The following PPP6R2 variants were observed in gnomAD, a reference collection of about 807,000 sequenced individuals.
PPP6R2 encodes serine/threonine-protein phosphatase 6 regulatory subunit 2.
In PPP6R2, 62 loss-of-function variants were observed where a neutral mutation model predicts 100.2. That is an observed-to-expected ratio of 0.62 (90% CI 0.50 to 0.76). The LOEUF (loss-of-function observed/expected upper bound fraction) is 0.76, where lower values mean the gene tolerates loss of function less well. Among genes scored for constraint, PPP6R2 ranks in the 30% least tolerant of loss-of-function variants. The probability of loss-of-function intolerance (pLI) is 0.00; values close to 1 mark genes in which losing one functional copy is unlikely to be tolerated. For synonymous variants in PPP6R2, 525 were observed against 514.7 expected (o/e 1.02, Z -0.27); for missense variants, 1,142 against 1,276.3 (o/e 0.89, Z 1.60).
At chr22:50,406,379 T>C (rs1440500238) in intron 3 of PPP6R2, among the ~76,000 whole-genome samples, 1 of 149,126 alleles carries the variant, frequency 6.7e-6, no homozygotes, top group Non-Finnish European at 1.5e-5. Flanking sequence ...GGCAGGCGAG[T>C]GTGAAGGCCT....
chr22:50,436,923 G>C (rs2064427456), intron 14 of PPP6R2, 65 bp from the exon 15 acceptor site: 2 of 1,361,562 alleles, frequency 1.5e-6, no homozygotes, highest in Non-Finnish European at 2.1e-6. Flanking sequence ...CCTGGGCGCT[G>C]GGCTGGGTGG....
upstream of PPP6R2, among the ~76,000 whole-genome samples, chr22:50,338,973 GGTGT>G (rs770511744): frequency 1.9e-4 from 27 of 140,272 alleles, no homozygotes; most frequent in Non-Finnish European, 7.7e-5. Context: ...TAGGGTGTGT[GGTGT>G]GTGTGTGGTA....
chr22:50,436,856 A>C, intron 14 of PPP6R2, 132 bp from the exon 15 acceptor site: 8 of 749,370 alleles, frequency 1.1e-5, no homozygotes, highest in Admixed American at 2.2e-5. Flanking sequence ...TCCTGGGCCC[A>C]GAGATCTGAT....
At chr22:50,405,536 A>C (rs1210745772) in intron 3 of PPP6R2, among the ~76,000 whole-genome samples, 1 of 137,400 alleles carries the variant, frequency 7.3e-6, no homozygotes, top group Non-Finnish European at 1.6e-5. Context: ...GCCTGGAGAG[A>C]GGTAAGAGGC....
chr22:50,441,859 C>T (rs758184314), intron 22 of PPP6R2, among the ~76,000 whole-genome samples: 1 of 152,188 alleles, frequency 6.6e-6, no homozygotes, highest in South Asian at 2.1e-4. Context: ...AGGGCAGGAC[C>T]GCTGGGGTAG....
At chr22:50,409,111 C>T (rs925121629) in intron 4 of PPP6R2, among the ~76,000 whole-genome samples, 45 of 152,296 alleles carry the variant, frequency 3.0e-4, no homozygotes, top group African/African-American at 1.1e-3. Flanking sequence ...CGAAACTTTC[C>T]ATCACCCAGC....
At chr22:50,374,731 C>A (rs576177839) in intron 2 of PPP6R2, among the ~76,000 whole-genome samples, 1 of 151,872 alleles carries the variant, frequency 6.6e-6, no homozygotes, top group Non-Finnish European at 1.5e-5. Context: ...TTTGCTAATA[C>A]GGTGAAACCC....
intron 12 of PPP6R2, among the ~76,000 whole-genome samples, chr22:50,433,537 T>A (rs376862333): frequency 7.5e-3 from 199 of 26,702 alleles, no homozygotes; most frequent in East Asian, 0.021. Flanking sequence ...GGAGGAGGGC[T>A]GGGGGCGCGG....
intron 1 of PPP6R2, among the ~76,000 whole-genome samples, chr22:50,361,264 A>G (rs1050068705): frequency 3.3e-5 from 5 of 152,186 alleles, no homozygotes; most frequent in African/African-American, 1.2e-4. Flanking sequence ...TATCATATGG[A>G]GACTGAGAAC....
At chr22:50,404,764 C>G (rs1310295719) in intron 3 of PPP6R2, among the ~76,000 whole-genome samples, 1 of 152,064 alleles carries the variant, frequency 6.6e-6, no homozygotes, top group Non-Finnish European at 1.5e-5. Flanking sequence ...ATGAGAAAAC[C>G]CAGACACAGA....
intron 1 of PPP6R2, among the ~76,000 whole-genome samples, chr22:50,350,704 G>A (rs1016786493): frequency 3.3e-5 from 5 of 151,688 alleles, no homozygotes; most frequent in South Asian, 4.2e-4. Context: ...AATTAGCCGG[G>A]TGTGGTGGTG....
chr22:50,339,713 G>GTGTGTTA (rs2042347876), upstream of PPP6R2, among the ~76,000 whole-genome samples: 1 of 143,766 alleles, frequency 7.0e-6, no homozygotes, highest in African/African-American at 2.6e-5. Flanking sequence ...TGTGTGGTGT[G>GTGTGTTA]TGTAGGGTGT....
chr22:50,421,240 G>A (rs1323702175), intron 8 of PPP6R2, among the ~76,000 whole-genome samples: 1 of 152,230 alleles, frequency 6.6e-6, no homozygotes, highest in Non-Finnish European at 1.5e-5. Context: ...GGAAAGCTGA[G>A]CCACTTCTGA....
chr22:50,419,021 T>G, intron 7 of PPP6R2, 42 bp downstream of exon 7: 1 of 1,480,500 alleles, frequency 6.8e-7, no homozygotes, highest in Non-Finnish European at 9.4e-7. Context: ...CCTCCCTTTC[T>G]GGGTCATGGG....
chr22:50,356,933 C>CA (rs111457849), intron 1 of PPP6R2, among the ~76,000 whole-genome samples: 33,334 of 142,186 alleles, frequency 0.23, 5,739 homozygotes, highest in African/African-American at 0.49. Context: ...GACTCTGTCT[C>CA]AAAAAAAAAA....
At chr22:50,353,353 G>C (rs762870249) in intron 1 of PPP6R2, among the ~76,000 whole-genome samples, 5 of 152,112 alleles carry the variant, frequency 3.3e-5, no homozygotes, top group Non-Finnish European at 5.9e-5. Context: ...TGTGTCTCAG[G>C]GAGTAGGGAG....
In PPP6R2 at chr22:50,431,234, C is replaced by T. The variant is rs1214736408; in HGVS notation, c.1187C>T (p.Ala396Val). The T allele has an allele frequency of 6.2e-7, 1 of 1,613,882 alleles. No homozygotes were observed. The highest frequency in any genetic ancestry group is 2.2e-5 in the East Asian group (1 of 44,886). ...FLHFQVELCI[A>V]AILSHAAREE... ...CACTTCCAAGTGGAACTATGCATAG[C>T]CGCTATTCTCTCCCACGCTGCCCGT... The change falls in exon 11 of 24, where the codon GCC becomes GTC. Residue 396 changes from alanine (A) to valine (V), a missense_variant. By Grantham distance (64) the Ala-to-Val change is moderately conservative. This residue lies in a region of PPP6R2 where 592 missense variants were observed against 758.9 expected (regional missense o/e 0.78). Transcript: ENST00000612753. This position sits in a 1 kb window ranked among gnomAD's most constrained non-coding sequence, Gnocchi z 4.8.
At chr22:50,348,873 C>T (rs906446066) in intron 1 of PPP6R2, among the ~76,000 whole-genome samples, 2 of 151,166 alleles carry the variant, frequency 1.3e-5, no homozygotes, top group African/African-American at 4.9e-5. Flanking sequence ...AGCCTGGGGA[C>T]ATGACAAAAC....
chr22:50,397,961 T>C (rs2057348375), intron 3 of PPP6R2, among the ~76,000 whole-genome samples: 1 of 139,818 alleles, frequency 7.2e-6, no homozygotes, highest in African/African-American at 2.8e-5. Flanking sequence ...GAGTGTGACT[T>C]GGGATGGGGG....
Sources: allele counts gnomAD v4.1 joint callset (sites outside exome capture counted in the v4.1 genomes callset), GRCh38; gene constraint gnomAD v4.1.1; regional missense constraint gnomAD v4.1.1; non-coding constraint Gnocchi (gnomAD v3.1); transcripts MANE v1.5; gene names NCBI Gene and HGNC (gene_info 2026-07-23, HGNC 2026-07-21).